RARS2: variants seen among roughly 807,000 people sequenced by gnomAD.
RARS2 encodes the protein arginyl-tRNA synthetase 2, mitochondrial.
RARS2 carries 67 observed loss-of-function variants against 88.5 expected under a neutral mutation model. The observed-to-expected ratio is 0.76, with a 90% CI of 0.62 to 0.93. The LOEUF is 0.93. Among genes scored for constraint, RARS2 ranks in the 40% least tolerant of loss-of-function variants. The pLI is 0.00. For missense variants in RARS2, 664 were observed against 684.2 expected, an observed-to-expected ratio of 0.97 and a Z score of 0.33; for synonymous variants, 239 against 230.3, an observed-to-expected ratio of 1.04 and a Z score of -0.34.
At chr6:87,561,425 C>T (rs527784669) in intron 4 of RARS2, among the ~76,000 whole-genome samples, 1 of 152,234 alleles carries the variant, frequency 6.6e-6, no homozygotes, top group Admixed American at 6.5e-5. Flanking sequence ...CTCTTCTTTC[C>T]CTTTAAAAAT....
chr6:87,550,351 G>C lies in RARS2; in HGVS notation c.396-1705C>G, dbSNP rs1412716460. On this transcript the variant is annotated intron_variant, in intron 5 of 19. Coordinates refer to ENST00000369536, the MANE Select transcript of RARS2 (RefSeq NM_020320.5). ...AGTCCTAGCGCTGCACCACATTGCT[G>C]CCTTACTAGTACATTTGTTGGATGT... 2.0e-5 allele frequency among the ~76,000 whole-genome samples: 3 copies of C among 152,146 alleles called. No homozygotes were observed. The South Asian group carries it at 6.2e-4, about 32-fold the overall frequency.
chr6:87,560,982 T>C (rs1273424549), intron 4 of RARS2, among the ~76,000 whole-genome samples: 1 of 152,216 alleles, frequency 6.6e-6, no homozygotes, highest in Non-Finnish European at 1.5e-5. Context: ...GTATAGCACA[T>C]ACAATTATGT....
At chr6:87,585,205 T>C (rs1218285231) in intron 1 of RARS2, among the ~76,000 whole-genome samples, 1 of 152,192 alleles carries the variant, frequency 6.6e-6, no homozygotes, top group Non-Finnish European at 1.5e-5. Context: ...ACAGAGATAC[T>C]CAGGTATTCA....
rs866447279 is a variant in RARS2 at position 87,519,656 on chromosome 6, T to C, written c.1164A>G (p.Gly388=). 3 of 1,613,212 alleles carry C rather than the reference T, an allele frequency of 1.9e-6. No homozygotes were observed. The highest frequency in any genetic ancestry group is 1.7e-4 in the Middle Eastern group (1 of 6,060). The change falls in exon 14 of 20, where the codon GGA becomes GGG. Residue 388 remains glycine, a synonymous_variant. Coordinates refer to ENST00000369536, the MANE Select transcript of RARS2 (RefSeq NM_020320.5). The stretch of plus-strand genomic sequence containing the variant: ...AAACATCTTCCAGGAAAGTGACATC[T>C]CCTCTTCGAGTCTTCATTCCCTGTA... The part of the protein sequence containing the change: ...GVVQGMKTRR[G]DVTFLEDVLN...
At chr6:87,548,062 T>C (rs1286913998) in intron 6 of RARS2, among the ~76,000 whole-genome samples, 1 of 152,132 alleles carries the variant, frequency 6.6e-6, no homozygotes, top group African/African-American at 2.4e-5. Flanking sequence ...TGTTATTAAG[T>C]AGAAACCTTG....
intron 8 of RARS2, among the ~76,000 whole-genome samples, chr6:87,533,596 T>A (rs1444175961): frequency 2.0e-5 from 3 of 152,204 alleles, no homozygotes; most frequent in Non-Finnish European, 4.4e-5. Flanking sequence ...AATTTTTCTC[T>A]TAGAAGAAAA....
In RARS2 at chr6:87,514,170, G is replaced by A. The variant is rs1307487872; in HGVS notation, c.*243C>T. Among the ~76,000 whole-genome samples the A allele has an allele frequency of 1.3e-5, 2 of 152,088 alleles. No homozygotes were observed. ...CTACTAAAAATACAAAATTAGCCTG[G>A]CGTGATGGCACGTGCCTGTAATCCC... is the stretch of plus-strand genomic sequence containing the variant. On this transcript the variant is annotated 3_prime_UTR_variant, in exon 20 of 20. Transcript: ENST00000369536.
At chr6:87,518,532 G>A in intron 16 of RARS2, 98 bp downstream of exon 16, 2 of 1,371,740 alleles carry the variant, frequency 1.5e-6, no homozygotes, top group East Asian at 2.4e-5. Flanking sequence ...AGAAGATATT[G>A]GAAAAGCCCA....
At chr6:87,578,107 A>ACCC (rs796269641) in intron 1 of RARS2, among the ~76,000 whole-genome samples, 9 of 133,520 alleles carry the variant, frequency 6.7e-5, no homozygotes, top group African/African-American at 2.6e-4. Context: ...ACATAGCGAG[A>ACCC]CCCCCCCCCC....
chr6:87,514,864 C>T (rs1771027346), intron 19 of RARS2, 93 bp downstream of exon 19: 3 of 1,035,304 alleles, frequency 2.9e-6, no homozygotes, highest in Non-Finnish European at 4.6e-6. Context: ...AGTTGAACAA[C>T]AGAATGCTAT....
At chr6:87,541,437 A>G (rs1453805866) in intron 8 of RARS2, among the ~76,000 whole-genome samples, 1 of 151,744 alleles carries the variant, frequency 6.6e-6, no homozygotes, top group Non-Finnish European at 1.5e-5. Flanking sequence ...TTGGCCTCCC[A>G]AAGTGCTGGG....
At chr6:87,524,042 C>A (rs1377333357) in intron 11 of RARS2, among the ~76,000 whole-genome samples, 1 of 142,868 alleles carries the variant, frequency 7.0e-6, no homozygotes, top group Non-Finnish European at 1.6e-5. Flanking sequence ...TATAAAACAA[C>A]AAAGTATCAT....
rs754537991 is a variant in RARS2, at chr6:87,524,611, G to C, written c.920C>G (p.Pro307Arg). The change falls in exon 11 of 20, where the codon CCC becomes CGC. Residue 307 changes from proline (P) to arginine (R), a missense_variant. Coordinates refer to ENST00000369536, the MANE Select transcript of RARS2 (RefSeq NM_020320.5). ...AVVDLSGNGDPSSICTVMRSD... is the reference protein window; with the variant it reads ...AVVDLSGNGDRSSICTVMRSD... ...TCGCATTACAGTACAAATTGAGGAGGGGTCGCCATTCCCAGAGAGATCTAC... is the reference window on the plus strand; with the variant it reads ...TCGCATTACAGTACAAATTGAGGAGCGGTCGCCATTCCCAGAGAGATCTAC... 2.5e-6 allele frequency: 4 copies of C among 1,613,330 alleles called. No homozygotes were observed. Among genetic ancestry groups the C allele is most frequent in the East Asian group, 2.2e-5 (1 of 44,840 alleles).
At chr6:87,542,641 T>G (rs1781347770) in intron 7 of RARS2, among the ~76,000 whole-genome samples, 1 of 147,910 alleles carries the variant, frequency 6.8e-6, no homozygotes, top group African/African-American at 2.5e-5. Flanking sequence ...ATAGTGTTAA[T>G]TTGAACCTAA....
intron 2 of RARS2, among the ~76,000 whole-genome samples, chr6:87,567,858 G>A (rs1480893515): frequency 6.6e-6 from 1 of 152,048 alleles, no homozygotes; most frequent in Non-Finnish European, 1.5e-5. Context: ...TCTAACCTCC[G>A]CCTCCCCGGT....
chr6:87,539,593 A>G (rs1780267182), intron 8 of RARS2, among the ~76,000 whole-genome samples: 1 of 152,154 alleles, frequency 6.6e-6, no homozygotes, highest in African/African-American at 2.4e-5. Context: ...CCTCTTTTGA[A>G]AAGTTAAAGT....
chr6:87,548,028 G>A (rs895130006), intron 6 of RARS2, among the ~76,000 whole-genome samples: 6 of 152,036 alleles, frequency 3.9e-5, no homozygotes, highest in African/African-American at 1.4e-4. Context: ...ATTGTTATTC[G>A]TGTTTTTTAA....
Position 87,555,411 on chromosome 6 carries a change from A to G in RARS2, c.392T>C (p.Phe131Ser). ...CATAAAAGGGGTGCACCCTCACCTG[A>G]ATTCAACCACAATCTTCTTCTGGGG... ...GLPQKKIVVE[F>S]SSPNVAKKFH... The change falls in exon 5 of 20, where the codon TTC becomes TCC. Residue 131 changes from phenylalanine to serine, a missense_variant. Transcript: ENST00000369536. The G allele has an allele frequency of 6.2e-7, 1 of 1,613,222 alleles. No homozygotes were observed.
rs150602849 is a variant in RARS2 at position 87,521,486 on chromosome 6, T to C, written c.1013A>G (p.Asn338Ser). ...TACCACATATATCATTGTATCAAAA[T>C]TATACTTGTCCATTCGATCTATAGC... ...AAAIDRMDKY[N>S]FDTMIYVTDK... is the part of the protein sequence containing the mutation. The change falls in exon 12 of 20, where the codon AAT becomes AGT. Residue 338 changes from asparagine (N) to serine (S), a missense_variant. By Grantham distance (46) the Asn-to-Ser change is conservative. Coordinates refer to ENST00000369536, the MANE Select transcript of RARS2 (RefSeq NM_020320.5). 2.8e-5 allele frequency: 45 copies of C among 1,611,642 alleles called. No homozygotes were observed. The highest frequency in any genetic ancestry group is 3.7e-5 in the Non-Finnish European group (44 of 1,178,102).
Sources: allele counts gnomAD v4.1 joint callset (sites outside exome capture counted in the v4.1 genomes callset), GRCh38; gene constraint gnomAD v4.1.1; transcripts MANE v1.5; gene names NCBI Gene and HGNC (gene_info 2026-07-23, HGNC 2026-07-21).